The following KATNBL1 variants were observed in gnomAD, a reference collection of about 807,000 sequenced individuals.
KATNBL1 encodes katanin regulatory subunit B1 like 1.
A neutral mutation model predicts 44.7 loss-of-function variants in KATNBL1; 28 were observed. The ratio of observed to expected loss-of-function variants is 0.63; its 90% confidence interval spans 0.46 to 0.86. The LOEUF is 0.86. KATNBL1 is among the 40% of genes least tolerant of loss of function. The pLI, the probability that KATNBL1 is intolerant of heterozygous loss-of-function variation, is 0.00. For synonymous variants in KATNBL1, 78 were observed against 114.9 expected, an observed-to-expected ratio of 0.68 and a Z score of 2.06; for missense variants, 272 against 350.7, an observed-to-expected ratio of 0.78 and a Z score of 1.79.
chr15:34,147,857 C>T (rs1888357317), intron 5 of KATNBL1, among the ~76,000 whole-genome samples: 1 of 151,822 alleles, frequency 6.6e-6, no homozygotes, highest in South Asian at 2.1e-4. Context: ...GGGATGTTTA[C>T]TTTTTATTTT....
intron 1 of KATNBL1, among the ~76,000 whole-genome samples, chr15:34,194,814 C>G (rs946957396): frequency 1.3e-4 from 20 of 152,182 alleles, no homozygotes; most frequent in African/African-American, 4.3e-4. Context: ...AATAGACATT[C>G]TTCAAAAGAA....
intron 2 of KATNBL1, among the ~76,000 whole-genome samples, chr15:34,162,281 G>A (rs113474814): frequency 1.3e-5 from 2 of 152,134 alleles, no homozygotes; most frequent in Admixed American, 6.5e-5. Flanking sequence ...TACTGTTTTT[G>A]TGGTAGTGAA....
chr15:34,195,492 C>G (rs992191563), intron 1 of KATNBL1, among the ~76,000 whole-genome samples: 2 of 152,178 alleles, frequency 1.3e-5, no homozygotes, highest in East Asian at 3.9e-4. Context: ...GCGTGTTGCT[C>G]TAATGATCCA....
At chr15:34,175,659 A>G (rs535246908) in intron 1 of KATNBL1, among the ~76,000 whole-genome samples, 4 of 152,364 alleles carry the variant, frequency 2.6e-5, no homozygotes, top group Admixed American at 2.6e-4. Flanking sequence ...TAGAATGGCT[A>G]TACTAAAAAA....
intron 1 of KATNBL1, among the ~76,000 whole-genome samples, chr15:34,175,268 G>C (rs1289236298): frequency 6.6e-6 from 1 of 151,866 alleles, no homozygotes; most frequent in Non-Finnish European, 1.5e-5. Context: ...TTTGAAATAT[G>C]TCCATTATAT....
intron 2 of KATNBL1, 83 bp downstream of exon 2, chr15:34,163,477 T>C (rs929912748): frequency 3.0e-5 from 44 of 1,453,840 alleles, no homozygotes; most frequent in Non-Finnish European, 3.8e-5. Flanking sequence ...TATCCTCCCA[T>C]TGTTTAAACA....
At chr15:34,208,417 G>A (rs985716514) in intron 1 of KATNBL1, 1 of 152,220 alleles carries the variant, frequency 6.6e-6, no homozygotes, top group Non-Finnish European at 1.5e-5. Flanking sequence ...ATAAACTGCT[G>A]ATTTCTTACT....
At position 34,148,694 on chromosome 15, in the gene KATNBL1, C is replaced by G. The variant is rs755193253; in HGVS notation, c.495G>C (p.Leu165Phe). The change falls in exon 5 of 10, where the codon TTG becomes TTC. Residue 165 changes from leucine (L) to phenylalanine (F), a missense_variant. Leu to Phe is a conservative substitution (Grantham distance 22, BLOSUM62 0). Coordinates refer to ENST00000256544, the MANE Select transcript of KATNBL1 (RefSeq NM_024713.3). The part of the protein sequence containing the change: ...AQVLFSRNMR[L>F]NVALTFWRKR... ...TTCTCCAGAAAGTTAAAGCTACATT[C>G]AATCTCATATTCCTGCTGAACAAAA... The G allele has an allele frequency of 1.4e-5, 22 of 1,612,976 alleles. No individual in the cohort carries two copies. In the South Asian group the frequency reaches 2.3e-4, roughly 17 times the overall value.
chr15:34,181,425 A>G (rs1889520742), intron 1 of KATNBL1, among the ~76,000 whole-genome samples: 1 of 151,724 alleles, frequency 6.6e-6, no homozygotes. Context: ...GTTTCTCTTC[A>G]GATCGTATTA....
intron 1 of KATNBL1, among the ~76,000 whole-genome samples, chr15:34,166,785 G>C (rs1888991004): frequency 6.6e-6 from 1 of 152,202 alleles, no homozygotes; most frequent in Non-Finnish European, 1.5e-5. Context: ...GCCTCTGCTG[G>C]TGATACCCAG....
chr15:34,195,888 TAA>T (rs1479088577), intron 1 of KATNBL1, among the ~76,000 whole-genome samples: 1 of 152,152 alleles, frequency 6.6e-6, no homozygotes, highest in Non-Finnish European at 1.5e-5. Context: ...TTTAGGGTCC[TAA>T]AAGTAACTTT....
At position 34,141,146 on chromosome 15, in the gene KATNBL1, T is replaced by C. The variant is rs17817770; in HGVS notation, c.*1193A>G. On this transcript the variant is annotated 3_prime_UTR_variant, in exon 10 of 10. Transcript: ENST00000256544. Reference sequence around the variant, plus strand: ...AATCATTTTCAAGACAAGTAAGATTTAGAGCTGTTAAGACATTCCAGAATT... The same window carrying C: ...AATCATTTTCAAGACAAGTAAGATTCAGAGCTGTTAAGACATTCCAGAATT... 0.11 allele frequency: 17,150 copies of C among 152,504 alleles called. 1,148 individuals are homozygous for C. Among genetic ancestry groups the C allele is most frequent in the Non-Finnish European group, 0.15 (10,400 of 67,940 alleles). The allele number at this position is 152,504 out of a possible 1,614,324, so 9.4% of individuals were successfully genotyped here. A position where few individuals can be genotyped will look rare whatever the true frequency, so the allele number is the denominator to read the frequency against.
intron 1 of KATNBL1, among the ~76,000 whole-genome samples, chr15:34,178,485 T>C (rs560361521): frequency 2.9e-4 from 44 of 152,102 alleles, no homozygotes; most frequent in South Asian, 2.7e-3. Context: ...GGGCCGGGCG[T>C]GGTGGCTCTC....
At chr15:34,185,052 C>T (rs563701461) in intron 1 of KATNBL1, among the ~76,000 whole-genome samples, 34 of 152,192 alleles carry the variant, frequency 2.2e-4, no homozygotes, top group African/African-American at 6.0e-4. Context: ...TCACTGCAGC[C>T]TTGACTTCCC....
At chr15:34,167,148 C>T (rs1889002845) in intron 1 of KATNBL1, among the ~76,000 whole-genome samples, 1 of 152,096 alleles carries the variant, frequency 6.6e-6, no homozygotes, top group African/African-American at 2.4e-5. Flanking sequence ...ACAAACTTCT[C>T]CAAGCTAAAG....
chr15:34,152,367 C>T (rs1382341108), intron 4 of KATNBL1, among the ~76,000 whole-genome samples: 1 of 152,050 alleles, frequency 6.6e-6, no homozygotes, highest in Non-Finnish European at 1.5e-5. Flanking sequence ...CCATGCCCGG[C>T]TAATTTTTGT....
At chr15:34,174,884 C>T (rs1489716416) in intron 1 of KATNBL1, among the ~76,000 whole-genome samples, 1 of 151,986 alleles carries the variant, frequency 6.6e-6, no homozygotes, top group Non-Finnish European at 1.5e-5. Flanking sequence ...CCAAGTGATC[C>T]ACCCACCTCA....
intron 1 of KATNBL1, among the ~76,000 whole-genome samples, chr15:34,174,622 G>C (rs1371841191): frequency 6.6e-6 from 1 of 150,648 alleles, no homozygotes; most frequent in Non-Finnish European, 1.5e-5. Context: ...TAGGCATGCA[G>C]AAAGTAAAAG....
intron 1 of KATNBL1, among the ~76,000 whole-genome samples, chr15:34,179,895 A>G (rs1325530286): frequency 6.6e-6 from 1 of 152,268 alleles, no homozygotes; most frequent in Non-Finnish European, 1.5e-5. Flanking sequence ...ATCTTATAAA[A>G]CATGGCTTAA....
Sources: gnomAD v4.1 joint callset for allele counts (sites outside exome capture counted in the v4.1 genomes callset) on GRCh38, gnomAD v4.1.1 for gene constraint, MANE v1.5 for transcripts, NCBI Gene and HGNC (gene_info 2026-07-23, HGNC 2026-07-21) for gene names.